Variants in DMRT1 observed in about 807,000 individuals in gnomAD.
DMRT1 encodes the protein doublesex- and mab-3-related transcription factor 1.
A neutral mutation model predicts 32.3 loss-of-function variants in DMRT1; 7 were observed. The ratio of observed to expected loss-of-function variants is 0.22; its 90% confidence interval spans 0.12 to 0.41. The LOEUF (loss-of-function observed/expected upper bound fraction) is 0.41. DMRT1 is among the 10% of genes least tolerant of loss of function. DMRT1 has a pLI of 1.00. For synonymous variants in DMRT1, 278 were observed against 206.1 expected, an observed-to-expected ratio of 1.35 and a Z score of -2.99; for missense variants, 625 against 500.5, an observed-to-expected ratio of 1.25 and a Z score of -2.37.
intron 1 of DMRT1, among the ~76,000 whole-genome samples, chr9:845,500 G>A (rs1185461499): frequency 1.3e-5 from 2 of 152,114 alleles, no homozygotes; most frequent in African/African-American, 2.4e-5. Flanking sequence ...GAGCAACCCC[G>A]CCTGGCCTTT....
At chr9:962,483 C>T (rs1285306304) in intron 4 of DMRT1, among the ~76,000 whole-genome samples, 1 of 151,044 alleles carries the variant, frequency 6.6e-6, no homozygotes, top group Non-Finnish European at 1.5e-5. Context: ...GTGACCTCCT[C>T]CATGAAACAA....
intron 4 of DMRT1, among the ~76,000 whole-genome samples, chr9:940,544 T>G (rs754396100): frequency 6.6e-6 from 1 of 152,002 alleles, no homozygotes; most frequent in Non-Finnish European, 1.5e-5. Flanking sequence ...TATACAAAAA[T>G]TAACTCAAAA....
At chr9:892,394 A>C (rs1817186408) in intron 2 of DMRT1, among the ~76,000 whole-genome samples, 1 of 150,970 alleles carries the variant, frequency 6.6e-6, no homozygotes, top group Admixed American at 6.6e-5. Context: ...CATGTTCCTC[A>C]CCCTCACCCA....
chr9:907,784 T>C (rs1264216705), intron 3 of DMRT1, among the ~76,000 whole-genome samples: 1 of 152,100 alleles, frequency 6.6e-6, no homozygotes, highest in East Asian at 1.9e-4. Context: ...TTCTGTTCTA[T>C]TCTATTGCAT....
intron 4 of DMRT1, among the ~76,000 whole-genome samples, chr9:951,826 A>T (rs1055987665): frequency 6.6e-6 from 1 of 152,122 alleles, no homozygotes; most frequent in African/African-American, 2.4e-5. Context: ...GCAAACACAT[A>T]ATAGAGAAAA....
In DMRT1 at chr9:841,748, C is replaced by T. The variant is rs541918930; in HGVS notation, c.-91C>T. ...GCACACGTCTCCTGCGCCTCCTCCT[C>T]CGGAGCGTCGCTGTCCGTCGGGTTC... On this transcript the variant is annotated 5_prime_UTR_variant, in exon 1 of 5. Transcript: ENST00000382276. 2.5e-5 allele frequency: 38 copies of T among 1,548,130 alleles called. No homozygotes were observed. In the East Asian group the frequency reaches 8.8e-4, roughly 36 times the overall value.
intron 4 of DMRT1, among the ~76,000 whole-genome samples, chr9:930,075 G>C (rs1049648777): frequency 6.6e-6 from 1 of 152,080 alleles, no homozygotes; most frequent in East Asian, 1.9e-4. Flanking sequence ...AAACCTAAGA[G>C]GGTGTTTTCT....
chr9:908,758 G>C (rs945365187), intron 3 of DMRT1, among the ~76,000 whole-genome samples: 1 of 152,080 alleles, frequency 6.6e-6, no homozygotes, highest in Non-Finnish European at 1.5e-5. Flanking sequence ...CATCTTAAAT[G>C]AATCACTTCT....
intron 4 of DMRT1, among the ~76,000 whole-genome samples, chr9:962,334 G>A (rs533631959): frequency 6.6e-6 from 1 of 152,246 alleles, no homozygotes; most frequent in African/African-American, 2.4e-5. Context: ...CACCATTGCT[G>A]ACAGGCAAGA....
At chr9:958,108 T>G (rs1275789188) in intron 4 of DMRT1, among the ~76,000 whole-genome samples, 1 of 152,190 alleles carries the variant, frequency 6.6e-6, no homozygotes, top group Non-Finnish European at 1.5e-5. Context: ...GTTGGCATAG[T>G]ATGATAAGCC....
chr9:871,500 T>C (rs113825940), intron 2 of DMRT1, among the ~76,000 whole-genome samples: 39 of 10,772 alleles, frequency 3.6e-3, no homozygotes, highest in African/African-American at 6.7e-3. Flanking sequence ...GCCCGGCTAA[T>C]TTTTTTTTTT....
At chr9:936,172 T>G (rs747489247) in intron 4 of DMRT1, among the ~76,000 whole-genome samples, 2 of 152,216 alleles carry the variant, frequency 1.3e-5, no homozygotes, top group African/African-American at 2.4e-5. Flanking sequence ...CTCCACTTCT[T>G]TATGAAGGAT....
intron 3 of DMRT1, among the ~76,000 whole-genome samples, chr9:899,265 T>G (rs963121092): frequency 4.6e-5 from 7 of 151,966 alleles, no homozygotes; most frequent in African/African-American, 1.7e-4. Flanking sequence ...CTGACTCTAG[T>G]GGAGATCGTC....
chr9:869,897 T>G (rs1816156801), intron 2 of DMRT1, among the ~76,000 whole-genome samples: 1 of 152,164 alleles, frequency 6.6e-6, no homozygotes, highest in South Asian at 2.1e-4. Flanking sequence ...GTGTATTCTG[T>G]GGAGTTGGTG....
At chr9:917,233 A>AT (rs2129778638) in intron 4 of DMRT1, among the ~76,000 whole-genome samples, 1 of 152,260 alleles carries the variant, frequency 6.6e-6, no homozygotes, top group South Asian at 2.1e-4. Flanking sequence ...AAGACCTGGT[A>AT]TTTTTTGTGA....
At chr9:861,754 C>T (rs1293019679) in intron 2 of DMRT1, among the ~76,000 whole-genome samples, 17 of 147,182 alleles carry the variant, frequency 1.2e-4, no homozygotes, top group South Asian at 8.5e-4. Context: ...CTGGACGGGG[C>T]GGCTGCTGGG....
intron 2 of DMRT1, among the ~76,000 whole-genome samples, chr9:860,980 G>T (rs1387157464): frequency 6.6e-6 from 1 of 152,012 alleles, no homozygotes; most frequent in African/African-American, 2.4e-5. Context: ...AAAGGGTTGG[G>T]AGTTTAGCAT....
chr9:886,617 G>T (rs990463224), intron 2 of DMRT1, among the ~76,000 whole-genome samples: 8 of 152,068 alleles, frequency 5.3e-5, no homozygotes, highest in African/African-American at 1.9e-4. Flanking sequence ...AATGGATATG[G>T]TTGGGGGAGC....
chr9:921,758 G>T (rs1430087949), intron 4 of DMRT1, among the ~76,000 whole-genome samples: 1 of 152,224 alleles, frequency 6.6e-6, no homozygotes, highest in East Asian at 1.9e-4. Flanking sequence ...CCACCCACCT[G>T]TAGTTCTGAC....
Sources: allele counts gnomAD v4.1 joint callset (sites outside exome capture counted in the v4.1 genomes callset), GRCh38; gene constraint gnomAD v4.1.1; transcripts MANE v1.5; gene names NCBI Gene and HGNC (gene_info 2026-07-23, HGNC 2026-07-21).